Variants in DEFB124 observed in about 807,000 individuals in gnomAD.
The protein encoded by DEFB124 is beta-defensin 124.
For missense variants in DEFB124, 78 were observed against 83.1 expected, an observed-to-expected ratio of 0.94 and a Z score of 0.24; for synonymous variants, 38 against 36.5, an observed-to-expected ratio of 1.04 and a Z score of -0.15.
rs201627331 is a variant in DEFB124 at position 31,473,021 on chromosome 20, G to A, written c.-8C>T. 5 of 1,613,928 alleles carry A rather than the reference G, an allele frequency of 3.1e-6. No homozygotes were observed. The highest frequency in any genetic ancestry group is 4.2e-6 in the Non-Finnish European group (5 of 1,179,976). ...CAGAAGCAGCTGTGTCATGGCCACG[G>A]GGCTCCTGGGGAGGCTGCTGGAGAG... On this transcript the variant is annotated 5_prime_UTR_variant, in exon 2 of 3. Coordinates refer to ENST00000317676, the MANE Select transcript of DEFB124 (RefSeq NM_001037500.2).
intron 1 of DEFB124, 40 bp from the exon 2 acceptor site, chr20:31,473,078 C>A: frequency 6.3e-7 from 1 of 1,578,046 alleles, no homozygotes; most frequent in Non-Finnish European, 8.7e-7. Context: ...GCAGGCTGAG[C>A]CTCGCTGCTT....
intron 2 of DEFB124, among the ~76,000 whole-genome samples, chr20:31,471,370 C>A (rs1433373684): frequency 3.4e-5 from 4 of 119,050 alleles, no homozygotes; most frequent in Non-Finnish European, 5.4e-5. Context: ...GCTGACCCCC[C>A]CACCTCCCTC....
At chr20:31,466,606 A>AATATATATAATATATATATATAT (rs1980088416) in intron 2 of DEFB124, among the ~76,000 whole-genome samples, 1 of 120,492 alleles carries the variant, frequency 8.3e-6, no homozygotes, top group African/African-American at 4.1e-5. Context: ...TCTCAAAAAG[A>AATATATATAATATATATATATAT]ATATATATAT....
At chr20:31,471,097 C>T (rs1187618661) in intron 2 of DEFB124, among the ~76,000 whole-genome samples, 1 of 136,054 alleles carries the variant, frequency 7.4e-6, no homozygotes, top group African/African-American at 2.7e-5. Context: ...CTGACCCCCC[C>T]ACCTCCCTCC....
intron 2 of DEFB124, among the ~76,000 whole-genome samples, chr20:31,467,827 A>C (rs1980119859): frequency 6.6e-6 from 1 of 151,770 alleles, no homozygotes; most frequent in African/African-American, 2.4e-5. Context: ...ATCTCGGCTC[A>C]ATGTAGCCTC....
At chr20:31,471,049 G>GACGT (rs1980270832) in intron 2 of DEFB124, among the ~76,000 whole-genome samples, 1 of 132,460 alleles carries the variant, frequency 7.5e-6, no homozygotes, top group Admixed American at 7.2e-5. Flanking sequence ...TGGCCGGGCG[G>GACGT]GGGGCTGACC....
At chr20:31,470,574 C>A (rs922126577) in intron 2 of DEFB124, among the ~76,000 whole-genome samples, 6 of 140,062 alleles carry the variant, frequency 4.3e-5, no homozygotes, top group Admixed American at 6.9e-5. Context: ...CACCTCCATC[C>A]CGGACGGGGC....
chr20:31,468,499 CAG>C (rs1378898569), intron 2 of DEFB124, among the ~76,000 whole-genome samples: 9 of 150,354 alleles, frequency 6.0e-5, no homozygotes, highest in African/African-American at 2.0e-4. Flanking sequence ...TTTTTTAAGA[CAG>C]AGTCTCACTC....
At chr20:31,473,726 A>G (rs1349926984) in intron 1 of DEFB124, among the ~76,000 whole-genome samples, 3 of 152,170 alleles carry the variant, frequency 2.0e-5, no homozygotes, top group African/African-American at 7.2e-5. Context: ...CACAGGTTAA[A>G]CCACTGGTTA....
intron 2 of DEFB124, 25 bp downstream of exon 2, chr20:31,472,917 GCACACACACACACA>G (rs34150499): frequency 1.3e-6 from 2 of 1,524,060 alleles, no homozygotes; most frequent in Non-Finnish European, 1.8e-6. Flanking sequence ...GCACACATGT[GCACACACACACACA>G]CACACATGCA....
At chr20:31,470,385 C>T (rs1244752954) in intron 2 of DEFB124, among the ~76,000 whole-genome samples, 23 of 128,098 alleles carry the variant, frequency 1.8e-4, no homozygotes, top group South Asian at 2.6e-4. Context: ...GGGGGGCTGA[C>T]CCCCCCACCT....
chr20:31,469,057 C>A lies in DEFB124; in HGVS notation c.59-3394G>T, dbSNP rs544995759. ...CATAATAAAAATGTTTAAAACTCAC[C>A]TTATTTATTTATGTTATTCTCTCTA... On this transcript the variant is annotated intron_variant, in intron 2 of 2. Coordinates refer to ENST00000317676, the MANE Select transcript of DEFB124 (RefSeq NM_001037500.2). Among the ~76,000 whole-genome samples the A allele has an allele frequency of 3.9e-5, 6 of 152,246 alleles. No individual in the cohort carries two copies. The South Asian group carries it at 1.2e-3, about 32-fold the overall frequency.
chr20:31,473,744 G>A (rs370231652), intron 1 of DEFB124, among the ~76,000 whole-genome samples: 7 of 152,202 alleles, frequency 4.6e-5, no homozygotes, highest in African/African-American at 1.7e-4. Context: ...TTACAAGTTA[G>A]ACCACAGATT....
At position 31,472,996 on chromosome 20, in the gene DEFB124, C is replaced by G; in HGVS notation, c.18G>C (p.Leu6=). 1 of 1,614,070 alleles carries G rather than the reference C, an allele frequency of 6.2e-7. No individual in the cohort carries two copies. Among genetic ancestry groups the G allele is most frequent in the Non-Finnish European group, 8.5e-7 (1 of 1,180,038 alleles). MTQLL[L]FLVALLVLGH... ...CCAGAACCAGGAGAGCCACAAGGAA[C>G]AGAAGCAGCTGTGTCATGGCCACGG... Residue 6 remains leucine, a synonymous_variant, in exon 2 of 3, where the codon CTG becomes CTC. Transcript: ENST00000317676.
chr20:31,468,164 C>T (rs1460501371), intron 2 of DEFB124, among the ~76,000 whole-genome samples: 2 of 152,214 alleles, frequency 1.3e-5, no homozygotes, highest in Admixed American at 6.5e-5. Context: ...ATCTTTGACT[C>T]TGTCTCCCAC....
At chr20:31,467,777 G>A (rs146248894) in intron 2 of DEFB124, among the ~76,000 whole-genome samples, 20 of 151,988 alleles carry the variant, frequency 1.3e-4, no homozygotes, top group African/African-American at 3.4e-4. Context: ...TTTTGAGACA[G>A]GATCTCACTT....
intron 2 of DEFB124, among the ~76,000 whole-genome samples, chr20:31,470,266 C>T (rs1980206850): frequency 1.4e-5 from 2 of 143,954 alleles, no homozygotes; most frequent in Non-Finnish European, 3.1e-5. Context: ...GACCCCCCCA[C>T]CTCCCTCCCG....
intron 2 of DEFB124, among the ~76,000 whole-genome samples, chr20:31,471,485 C>T (rs1459049282): frequency 7.8e-6 from 1 of 127,392 alleles, no homozygotes; most frequent in African/African-American, 3.1e-5. Flanking sequence ...CCCTCCCGGA[C>T]GGGGGGCTGA....
At position 31,474,807 on chromosome 20, in the gene DEFB124, A is replaced by C. The variant is rs1366049763; in HGVS notation, c.-206T>G. Among the ~76,000 whole-genome samples the C allele has an allele frequency of 6.6e-6, 1 of 152,052 alleles. No homozygotes were observed. Among genetic ancestry groups the C allele is most frequent in the Non-Finnish European group, 1.5e-5 (1 of 68,016 alleles). On this transcript the variant is annotated 5_prime_UTR_variant, in exon 1 of 3. The change creates a new upstream start codon in the 5' untranslated region. Transcript: ENST00000317676. The stretch of plus-strand genomic sequence containing the variant: ...TCTCTTCCTCCAAGCCACCTCCCAA[A>C]ATTAATTCTTCATCCAGAGCAGAGT...
Sources: gnomAD v4.1 joint callset for allele counts (sites outside exome capture counted in the v4.1 genomes callset) on GRCh38, gnomAD v4.1.1 for gene constraint, MANE v1.5 for transcripts, NCBI Gene and HGNC (gene_info 2026-07-23, HGNC 2026-07-21) for gene names.